PARP11: variants seen among roughly 807,000 people sequenced by gnomAD.
PARP11 encodes protein mono-ADP-ribosyltransferase PARP11.
A neutral mutation model predicts 42.9 loss-of-function variants in PARP11; 31 were observed. The ratio of observed to expected loss-of-function variants is 0.72; its 90% CI spans 0.54 to 0.98. The LOEUF (loss-of-function observed/expected upper bound fraction) is 0.98. PARP11 is among the 50% of genes least tolerant of loss of function. The pLI, the probability that PARP11 is intolerant of heterozygous loss-of-function variation, is 0.00. For synonymous variants in PARP11, 137 were observed against 127.3 expected, an observed-to-expected ratio of 1.08 and a Z score of -0.51; for missense variants, 365 against 413.1, an observed-to-expected ratio of 0.88 and a Z score of 1.01.
At chr12:3,822,656 A>G (rs1265380676) in intron 4 of PARP11, among the ~76,000 whole-genome samples, 3 of 152,030 alleles carry the variant, frequency 2.0e-5, no homozygotes, top group Non-Finnish European at 4.4e-5. Flanking sequence ...TAGGTGTTCA[A>G]TAGTGAACTT....
chr12:3,864,936 T>C (rs1948364093), intron 1 of PARP11, among the ~76,000 whole-genome samples: 1 of 152,152 alleles, frequency 6.6e-6, no homozygotes, highest in South Asian at 2.1e-4. Context: ...CTGTTTAACT[T>C]CTTCTTTTTC....
intron 1 of PARP11, chr12:3,839,922 C>T: frequency 9.0e-7 from 1 of 1,108,554 alleles, no homozygotes; most frequent in Non-Finnish European, 1.4e-6. Context: ...CAGAGGATGA[C>T]AGCTGCAAGA....
chr12:3,817,972 T>C (rs1947325097), intron 6 of PARP11, among the ~76,000 whole-genome samples: 1 of 152,196 alleles, frequency 6.6e-6, no homozygotes, highest in African/African-American at 2.4e-5. Context: ...GAATCTCTGA[T>C]CTAAATTCAC....
At chr12:3,823,151 T>C (rs999568460) in intron 4 of PARP11, among the ~76,000 whole-genome samples, 3 of 152,204 alleles carry the variant, frequency 2.0e-5, no homozygotes, top group Non-Finnish European at 2.9e-5. Flanking sequence ...AACCGATCTT[T>C]AGTTTACTTT....
intron 1 of PARP11, among the ~76,000 whole-genome samples, chr12:3,843,170 T>TC (rs1947929215): frequency 1.3e-5 from 2 of 152,232 alleles, no homozygotes; most frequent in African/African-American, 4.8e-5. Flanking sequence ...TTAATATTCA[T>TC]AAGGTATATT....
intron 1 of PARP11, among the ~76,000 whole-genome samples, chr12:3,863,493 T>G (rs1313121108): frequency 6.6e-6 from 1 of 152,202 alleles, no homozygotes; most frequent in East Asian, 1.9e-4. Context: ...GAAGATGCCC[T>G]TTGTGTCAGG....
At chr12:3,824,421 T>G (rs1844814810) in intron 4 of PARP11, among the ~76,000 whole-genome samples, 1 of 152,092 alleles carries the variant, frequency 6.6e-6, no homozygotes, top group Admixed American at 6.6e-5. Flanking sequence ...ACCAAAAAAT[T>G]TTTTTAGTTT....
At chr12:3,865,625 C>A (rs1407730235) in intron 1 of PARP11, among the ~76,000 whole-genome samples, 1 of 152,168 alleles carries the variant, frequency 6.6e-6, no homozygotes, top group South Asian at 2.1e-4. Flanking sequence ...TTGATAATAT[C>A]ATTATCTCTG....
At chr12:3,871,580 G>A (rs1351082088) in intron 1 of PARP11, among the ~76,000 whole-genome samples, 1 of 152,104 alleles carries the variant, frequency 6.6e-6, no homozygotes, top group Non-Finnish European at 1.5e-5. Flanking sequence ...GAACTTCTCA[G>A]AACATATCCC....
At chr12:3,824,712 G>GT in intron 4 of PARP11, 1 of 657,588 alleles carries the variant, frequency 1.5e-6, no homozygotes, top group Non-Finnish European at 1.9e-6. Flanking sequence ...CCATCACAGT[G>GT]TTTCTTGTCT....
chr12:3,820,605 C>A (rs1947372762), intron 6 of PARP11, among the ~76,000 whole-genome samples: 1 of 152,038 alleles, frequency 6.6e-6, no homozygotes, highest in South Asian at 2.1e-4. Context: ...TGGGGGAGAC[C>A]AATTTGATCT....
At chr12:3,833,278 G>C (rs1947686021) in intron 1 of PARP11, among the ~76,000 whole-genome samples, 1 of 152,090 alleles carries the variant, frequency 6.6e-6, no homozygotes, top group Non-Finnish European at 1.5e-5. Flanking sequence ...AGAATAAGGA[G>C]CTCAGTGGAA....
At chr12:3,865,673 T>G (rs1948377726) in intron 1 of PARP11, among the ~76,000 whole-genome samples, 1 of 152,120 alleles carries the variant, frequency 6.6e-6, no homozygotes, top group Admixed American at 6.5e-5. Context: ...TCACACTTTC[T>G]CTTCATTAGT....
At chr12:3,858,895 G>A (rs1431564889) in intron 1 of PARP11, among the ~76,000 whole-genome samples, 1 of 151,594 alleles carries the variant, frequency 6.6e-6, no homozygotes, top group Non-Finnish European at 1.5e-5. Flanking sequence ...TTCAAGACCA[G>A]CCTGGCCAAC....
chr12:3,870,872 T>C (rs1948464726), intron 1 of PARP11, among the ~76,000 whole-genome samples: 1 of 152,206 alleles, frequency 6.6e-6, no homozygotes, highest in South Asian at 2.1e-4. Context: ...TGAAGGTTGT[T>C]GATGACAGAT....
chr12:3,839,691 A>C, intron 1 of PARP11: 1 of 995,594 alleles, frequency 1.0e-6, no homozygotes, highest in South Asian at 1.3e-5. Context: ...CTTCACAAGT[A>C]ACTGAAAATA....
chr12:3,824,628 TCTG>T, intron 4 of PARP11: 6 of 984,540 alleles, frequency 6.1e-6, no homozygotes, highest in Non-Finnish European at 7.2e-6. Flanking sequence ...TGTCCTCCAT[TCTG>T]CTTAGTTCTC....
Position 3,873,370 on chromosome 12 carries a change from C to T in PARP11, c.-141G>A, listed in dbSNP as rs188018948. The T allele has an allele frequency of 3.4e-3, 2,531 of 752,154 alleles. 65 individuals carry two copies. In the Admixed American group the frequency reaches 0.041, roughly 12 times the overall value. The allele number at this position is 752,154 out of a possible 1,614,324, so 46.6% of individuals were successfully genotyped here. A position where few individuals can be genotyped will look rare whatever the true frequency, so the allele number is the denominator to read the frequency against. On this transcript the variant is annotated 5_prime_UTR_variant, in exon 1 of 8. Transcript: ENST00000228820. ...CTTTACGAAGGCCTTCCTCCTCCCCCTCCCTGTCACAAGCCAGCGTTTACA... is the reference window on the plus strand; with the variant it reads ...CTTTACGAAGGCCTTCCTCCTCCCCTTCCCTGTCACAAGCCAGCGTTTACA...
At chr12:3,825,248 T>C (rs990617615) in intron 4 of PARP11, among the ~76,000 whole-genome samples, 3 of 152,204 alleles carry the variant, frequency 2.0e-5, no homozygotes, top group Admixed American at 2.0e-4. Flanking sequence ...GAATAATAAA[T>C]ATGTATTGTC....
Sources: allele counts gnomAD v4.1 joint callset (sites outside exome capture counted in the v4.1 genomes callset), GRCh38; gene constraint gnomAD v4.1.1; transcripts MANE v1.5; gene names NCBI Gene and HGNC (gene_info 2026-07-23, HGNC 2026-07-21).